The following MTHFD1L variants were observed in gnomAD, a reference collection of about 807,000 sequenced individuals.
The protein encoded by MTHFD1L is monofunctional C1-tetrahydrofolate synthase, mitochondrial.
MTHFD1L carries 81 observed loss-of-function variants against 119.5 expected under a neutral mutation model. The observed-to-expected ratio is 0.68, with a 90% CI of 0.57 to 0.82. The LOEUF is 0.82. Ranked by LOEUF, MTHFD1L falls within the 40% of genes least tolerant of loss-of-function variation. The pLI, the probability that MTHFD1L is intolerant of heterozygous loss-of-function variation, is 0.00. For missense variants in MTHFD1L, 1,125 were observed against 1,253.4 expected, an observed-to-expected ratio of 0.90 and a Z score of 1.55; for synonymous variants, 430 against 475.2, an observed-to-expected ratio of 0.90 and a Z score of 1.24.
chr6:150,966,814 C>T (rs1797278791), intron 19 of MTHFD1L, among the ~76,000 whole-genome samples: 1 of 152,050 alleles, frequency 6.6e-6, no homozygotes. Flanking sequence ...ACAGAGTGAG[C>T]CTCTTATCTT....
intron 18 of MTHFD1L, among the ~76,000 whole-genome samples, chr6:150,962,972 A>G (rs1011399948): frequency 1.4e-5 from 2 of 143,790 alleles, no homozygotes; most frequent in South Asian, 2.2e-4. Flanking sequence ...CTGGAATGCA[A>G]TGGTGCAATC....
intron 11 of MTHFD1L, chr6:150,935,315 A>C: frequency 6.2e-7 from 1 of 1,610,094 alleles, no homozygotes; most frequent in Admixed American, 1.7e-5. Context: ...TGAACTTCAC[A>C]AAATAACTAG....
chr6:150,918,660 C>A lies in MTHFD1L; in HGVS notation c.976C>A (p.Arg326=). 1 of 1,613,458 alleles carries A rather than the reference C, an allele frequency of 6.2e-7. No individual in the cohort carries two copies. The highest frequency in any genetic ancestry group is 2.2e-5 in the East Asian group (1 of 44,886). ...TGTGATTCTCCTTGCTGCAGCTCTG[C>A]GAATTCAGGTTTGTTCAACATAGCT... is the stretch of plus-strand genomic sequence containing the variant. The part of the protein sequence containing the change: ...DDVILLAAAL[R]IQNMVSSGRR... Residue 326 remains arginine, a synonymous_variant, in exon 9 of 28, where the codon CGA becomes AGA. Transcript: ENST00000367321.
intron 21 of MTHFD1L, among the ~76,000 whole-genome samples, chr6:151,012,601 AT>A (rs1407944040): frequency 6.6e-6 from 1 of 152,132 alleles, no homozygotes. Flanking sequence ...TCCCAGTGCA[AT>A]CCAATAACTA....
chr6:151,014,739 T>C lies in MTHFD1L; in HGVS notation c.2308-141T>C, dbSNP rs562896879. ...ATTATTTTGAAGACGAACCTCTTTA[T>C]TCTTGCAGCCATCTTTCTTGGAGGA... On this transcript the variant is annotated intron_variant, in intron 22 of 27. Transcript: ENST00000367321. 9.6e-6 allele frequency: 6 copies of C among 621,886 alleles called. No homozygotes were observed. The East Asian group carries it at 1.7e-4, about 17-fold the overall frequency. The allele number at this position is 621,886 out of a possible 1,614,324, so 38.5% of individuals were successfully genotyped here.
At chr6:150,874,551 C>G (rs1003404061) in intron 1 of MTHFD1L, among the ~76,000 whole-genome samples, 1 of 152,208 alleles carries the variant, frequency 6.6e-6, no homozygotes, top group East Asian at 1.9e-4. Context: ...AGGTGCAGTG[C>G]AAGACCCTGT....
chr6:150,907,011 G>GA (rs1291978601), intron 8 of MTHFD1L, among the ~76,000 whole-genome samples: 2,334 of 126,820 alleles, frequency 0.018, 41 homozygotes, highest in African/African-American at 0.044. Context: ...TTTTTCCCCT[G>GA]AAAAAAAAAA....
chr6:150,934,016 T>A (rs187628311), intron 11 of MTHFD1L, among the ~76,000 whole-genome samples: 5 of 152,346 alleles, frequency 3.3e-5, no homozygotes, highest in Admixed American at 3.3e-4. Context: ...TCTGTCCTTA[T>A]CCCTTTTCTC....
intron 26 of MTHFD1L, among the ~76,000 whole-genome samples, chr6:151,047,902 T>A (rs1788347843): frequency 6.6e-6 from 1 of 152,122 alleles, no homozygotes; most frequent in Admixed American, 6.6e-5. Flanking sequence ...ACGGGAAGCA[T>A]GGCTGGGGAG....
chr6:151,082,161 C>A (rs535059333), intron 26 of MTHFD1L, among the ~76,000 whole-genome samples: 2 of 152,156 alleles, frequency 1.3e-5, no homozygotes, highest in South Asian at 2.1e-4. Context: ...TGCTACCTGT[C>A]GGTCAAACGG....
At chr6:151,072,233 T>A (rs1236521194) in intron 26 of MTHFD1L, among the ~76,000 whole-genome samples, 1 of 152,178 alleles carries the variant, frequency 6.6e-6, no homozygotes, top group Non-Finnish European at 1.5e-5. Context: ...ATGAATGAAA[T>A]TTTGGCTCTA....
intron 11 of MTHFD1L, among the ~76,000 whole-genome samples, chr6:150,931,870 A>G (rs1446701614): frequency 6.6e-6 from 1 of 152,230 alleles, no homozygotes; most frequent in Non-Finnish European, 1.5e-5. Context: ...CTTTAAAAAG[A>G]CATCATTCTG....
intron 7 of MTHFD1L, among the ~76,000 whole-genome samples, chr6:150,892,018 G>C (rs989460241): frequency 1.3e-5 from 2 of 152,272 alleles, no homozygotes; most frequent in East Asian, 1.9e-4. Context: ...GTAATGCTTG[G>C]GTTAAGACAG....
chr6:151,013,883 T>C (rs1782641028), intron 22 of MTHFD1L, 63 bp downstream of exon 22: 6 of 1,425,336 alleles, frequency 4.2e-6, no homozygotes, highest in African/African-American at 2.8e-5. Context: ...TCGTTGGCTT[T>C]CAGTGAATGA....
chr6:151,019,216 C>CTCTGATCATGCCATCTGATCATGCCA lies in MTHFD1L; in HGVS notation c.2586+3527_2586+3552dup, dbSNP rs1554282533. Among the ~76,000 whole-genome samples the CTCTGATCATGCCATCTGATCATGCCA allele has an allele frequency of 1.3e-4, 20 of 152,094 alleles. 2 individuals are homozygous for CTCTGATCATGCCATCTGATCATGCCA. In the East Asian group the frequency reaches 1.7e-3, roughly 13 times the overall value. On this transcript the variant is annotated intron_variant, in intron 24 of 27. Transcript: ENST00000367321. ...CCCCCAGATCCTGCTGTGAGTGTGCCTCTGATCATGCCATCTGATCATGCC... is the reference window on the plus strand; with the variant it reads ...CCCCCAGATCCTGCTGTGAGTGTGCCTCTGATCATGCCATCTGATCATGCCATCTGATCATGCCATCTGATCATGCC...
chr6:151,051,440 C>G (rs563088378), intron 26 of MTHFD1L, among the ~76,000 whole-genome samples: 22 of 152,256 alleles, frequency 1.4e-4, no homozygotes, highest in African/African-American at 5.1e-4. Flanking sequence ...TCATCACTCC[C>G]CATACTCACC....
intron 25 of MTHFD1L, among the ~76,000 whole-genome samples, chr6:151,035,538 C>T (rs1397971412): frequency 6.6e-6 from 1 of 152,116 alleles, no homozygotes; most frequent in Non-Finnish European, 1.5e-5. Flanking sequence ...AGAATTTTCC[C>T]TGTATGTTCT....
intron 27 of MTHFD1L, among the ~76,000 whole-genome samples, chr6:151,093,477 T>C (rs143991291): frequency 0.018 from 2,737 of 151,688 alleles, 87 homozygotes; most frequent in African/African-American, 0.062. Context: ...GCCAAGATGG[T>C]GAAACCCCGT....
intron 27 of MTHFD1L, among the ~76,000 whole-genome samples, chr6:151,094,894 G>C (rs1794768997): frequency 6.6e-6 from 1 of 152,182 alleles, no homozygotes; most frequent in South Asian, 2.1e-4. Context: ...GGCCAGGCTG[G>C]TCTCAAACTC....
Sources: allele counts gnomAD v4.1 joint callset (sites outside exome capture counted in the v4.1 genomes callset), GRCh38; gene constraint gnomAD v4.1.1; transcripts MANE v1.5; gene names NCBI Gene and HGNC (gene_info 2026-07-23, HGNC 2026-07-21).